DPYS: variants seen among roughly 807,000 people sequenced by gnomAD.
The protein encoded by DPYS is dihydropyrimidinase.
In DPYS, 39 loss-of-function variants were observed where a neutral mutation model predicts 50.3. That is an observed-to-expected ratio of 0.78 (90% CI 0.60 to 1.01). DPYS has a LOEUF of 1.01. Among genes scored for constraint, DPYS ranks in the 50% least tolerant of loss-of-function variants. The pLI is 0.00. For synonymous variants in DPYS, 245 were observed against 250.7 expected, an observed-to-expected ratio of 0.98 and a Z score of 0.22; for missense variants, 659 against 680.9, an observed-to-expected ratio of 0.97 and a Z score of 0.36.
At chr8:104,416,913 C>T (rs146735169) in intron 7 of DPYS, among the ~76,000 whole-genome samples, 3 of 152,186 alleles carry the variant, frequency 2.0e-5, no homozygotes, top group African/African-American at 7.2e-5. Context: ...TCATTCTTCC[C>T]CCGCTTTATT....
chr8:104,392,923 C>T lies in DPYS; in HGVS notation c.1304G>A (p.Gly435Glu). Residue 435 changes from glycine to glutamate, a missense_variant, in exon 8 of 10, where the codon GGG becomes GAG. Physicochemically the swap from Gly to Glu is moderately conservative, Grantham distance 98 (BLOSUM62 -2). Coordinates refer to ENST00000351513, the MANE Select transcript of DPYS (RefSeq NM_001385.3). ...TCTTGAAATAGTCACAAGGGGCACC[C>T]CGTGGCAAACCATGCCCTCGAAAAT... The part of the protein sequence containing the change: ...FNIFEGMVCH[G>E]VPLVTISRGK... 6.2e-7 allele frequency: 1 copy of T among 1,614,226 alleles called. No individual in the cohort carries two copies. The highest frequency in any genetic ancestry group is 8.5e-7 in the Non-Finnish European group (1 of 1,180,042).
chr8:104,451,498 C>G, intron 1 of DPYS, 94 bp from the exon 2 acceptor site: 1 of 1,518,116 alleles, frequency 6.6e-7, no homozygotes, highest in Non-Finnish European at 9.0e-7. Flanking sequence ...AGCACTTGGG[C>G]AAACTCGATG....
At chr8:104,441,887 G>A (rs934751243) in intron 4 of DPYS, among the ~76,000 whole-genome samples, 12 of 152,234 alleles carry the variant, frequency 7.9e-5, no homozygotes, top group African/African-American at 2.4e-4. Flanking sequence ...AAAAGAATGA[G>A]GAAAATCTCT....
Position 104,381,173 on chromosome 8 carries a change from C to T in DPYS, c.*14+11G>A. The T allele has an allele frequency of 6.2e-7, 1 of 1,606,638 alleles. No individual in the cohort carries two copies. The highest frequency in any genetic ancestry group is 8.5e-7 in the Non-Finnish European group (1 of 1,173,738). On this transcript the variant is annotated intron_variant, in intron 9 of 9. Coordinates refer to ENST00000351513, the MANE Select transcript of DPYS (RefSeq NM_001385.3). Reference sequence around the variant, plus strand: ...CATGCAGGAAGACTTTTCTTGCCTACAGTCCCTTACCGATGGCACACACTT... The same window carrying T: ...CATGCAGGAAGACTTTTCTTGCCTATAGTCCCTTACCGATGGCACACACTT...
At chr8:104,445,154 C>T (rs535740161) in intron 3 of DPYS, among the ~76,000 whole-genome samples, 6 of 152,106 alleles carry the variant, frequency 3.9e-5, no homozygotes, top group Non-Finnish European at 8.8e-5. Flanking sequence ...AACCTATGTA[C>T]GCTGTTGGTG....
chr8:104,460,299 T>C (rs1654567208), intron 1 of DPYS, among the ~76,000 whole-genome samples: 1 of 152,206 alleles, frequency 6.6e-6, no homozygotes, highest in Admixed American at 6.5e-5. Context: ...CATGGGGGCA[T>C]ATTTCCCCCT....
intron 7 of DPYS, among the ~76,000 whole-genome samples, chr8:104,399,555 C>T (rs1033517284): frequency 2.6e-5 from 4 of 151,910 alleles, no homozygotes; most frequent in South Asian, 2.1e-4. Context: ...GGTGTCAGCA[C>T]CCCAGTTTTT....
chr8:104,400,469 G>A (rs997504002), intron 7 of DPYS, among the ~76,000 whole-genome samples: 1 of 152,228 alleles, frequency 6.6e-6, no homozygotes, highest in Admixed American at 6.5e-5. Flanking sequence ...ACGCAAAGCA[G>A]CTCAAGAGAG....
At chr8:104,424,145 C>A (rs376493029) in intron 7 of DPYS, 102 bp downstream of exon 7, 1 of 1,600,430 alleles carries the variant, frequency 6.2e-7, no homozygotes, top group Admixed American at 1.7e-5. Flanking sequence ...CTAAAGAAGT[C>A]ATCTAAGGAG....
chr8:104,408,933 C>T (rs1812085868), intron 7 of DPYS, among the ~76,000 whole-genome samples: 1 of 151,670 alleles, frequency 6.6e-6, no homozygotes, highest in East Asian at 2.0e-4. Context: ...CCTGCCTCAG[C>T]CTCCCAGGTA....
chr8:104,457,731 G>A (rs927699475), intron 1 of DPYS, among the ~76,000 whole-genome samples: 4 of 152,166 alleles, frequency 2.6e-5, no homozygotes, highest in South Asian at 2.1e-4. Flanking sequence ...TGGTCCCAAC[G>A]TCTGTCCCAA....
rs760562420 is a variant in DPYS, at chr8:104,466,756, G to A, written c.165C>T (p.Ala55=). ...APAGLRVLDA[A]GKLVLPGGID... is the part of the protein sequence containing the mutation. ...TGCCTCCGGGCAGGACGAGCTTGCC[G>A]GCGGCGTCGAGGACCCGCAGCCCCG... Residue 55 remains alanine, a synonymous_variant, in exon 1 of 10, where the codon GCC becomes GCT. Coordinates refer to ENST00000351513, the MANE Select transcript of DPYS (RefSeq NM_001385.3). 2 of 1,535,106 alleles carry A rather than the reference G, an allele frequency of 1.3e-6. No homozygotes were observed. Among genetic ancestry groups the A allele is most frequent in the Non-Finnish European group, 1.7e-6 (2 of 1,145,806 alleles).
rs115968329 is a variant in DPYS, at chr8:104,392,530, C to T, written c.1443+254G>A. Among the ~76,000 whole-genome samples the T allele has an allele frequency of 5.1e-3, 784 of 152,264 alleles. 3 individuals are homozygous for T. The highest frequency in any genetic ancestry group is 0.018 in the African/African-American group (751 of 41,566). Reference sequence around the variant, plus strand: ...CCCTGACTAACACAATTGCCAAAAGCCCCCACCAGATTACCCCACAATCTG... The same window carrying T: ...CCCTGACTAACACAATTGCCAAAAGTCCCCACCAGATTACCCCACAATCTG... On this transcript the variant is annotated intron_variant, in intron 8 of 9. Coordinates refer to ENST00000351513, the MANE Select transcript of DPYS (RefSeq NM_001385.3).
intron 1 of DPYS, among the ~76,000 whole-genome samples, chr8:104,455,880 T>C (rs1388564930): frequency 6.6e-6 from 1 of 152,098 alleles, no homozygotes; most frequent in African/African-American, 2.4e-5. Context: ...TGCTAAACTT[T>C]CTATTAAAAT....
intron 3 of DPYS, 127 bp downstream of exon 3, chr8:104,447,196 GA>G: frequency 8.0e-7 from 1 of 1,248,990 alleles, no homozygotes; most frequent in Non-Finnish European, 1.1e-6. Flanking sequence ...CCGAGCCACG[GA>G]AAATCCATTT....
intron 7 of DPYS, among the ~76,000 whole-genome samples, chr8:104,406,144 A>G (rs1206907573): frequency 6.6e-6 from 1 of 152,118 alleles, no homozygotes; most frequent in African/African-American, 2.4e-5. Context: ...TGTGCTGTAA[A>G]TGGCCCCTCC....
At position 104,385,035 on chromosome 8, in the gene DPYS, G is replaced by T. The variant is rs1389714007; in HGVS notation, c.1444-3721C>A. Among the ~76,000 whole-genome samples, 11 of 152,252 alleles carry T rather than the reference G, an allele frequency of 7.2e-5. 1 individual carries two copies. In the East Asian group the frequency reaches 2.1e-3, roughly 29 times the overall value. The stretch of plus-strand genomic sequence containing the variant: ...TTCCTTGGTGACCTTAAGACTCACG[G>T]TTTTAAATCTATATGTTATGGCTCC... On this transcript the variant is annotated intron_variant, in intron 8 of 9. Coordinates refer to ENST00000351513, the MANE Select transcript of DPYS (RefSeq NM_001385.3).
At chr8:104,460,062 C>A (rs912378941) in intron 1 of DPYS, among the ~76,000 whole-genome samples, 1 of 152,012 alleles carries the variant, frequency 6.6e-6, no homozygotes, top group East Asian at 1.9e-4. Flanking sequence ...TTTGTCTTTT[C>A]TTTTGTGAAT....
At chr8:104,460,907 C>T (rs968531197) in intron 1 of DPYS, among the ~76,000 whole-genome samples, 26 of 152,158 alleles carry the variant, frequency 1.7e-4, no homozygotes, top group African/African-American at 6.0e-4. Context: ...AGCTCAGCCT[C>T]ACCAGTTATT....
Sources: allele counts gnomAD v4.1 joint callset (sites outside exome capture counted in the v4.1 genomes callset), GRCh38; gene constraint gnomAD v4.1.1; transcripts MANE v1.5; gene names NCBI Gene and HGNC (gene_info 2026-07-23, HGNC 2026-07-21).